TENM3: variants seen among roughly 807,000 people sequenced by gnomAD.
The protein encoded by TENM3 is teneurin-3.
Under a neutral mutation model 255.1 loss-of-function variants are expected in TENM3, and 63 were observed. The ratio of observed to expected loss-of-function variants is 0.25; its 90% CI spans 0.20 to 0.30. The LOEUF is 0.30. TENM3 is among the 10% of genes least tolerant of loss of function. The pLI is 1.00. For synonymous variants in TENM3, 1,306 were observed against 1,322.3 expected (o/e 0.99, Z 0.27); for missense variants, 2,929 against 3,461.1 (o/e 0.85, Z 3.86).
At chr4:182,731,899 A>C (rs980215084) in intron 16 of TENM3, among the ~76,000 whole-genome samples, 1 of 151,392 alleles carries the variant, frequency 6.6e-6, no homozygotes, top group Non-Finnish European at 1.5e-5. Context: ...CTCCCGCCTC[A>C]GACTCCTGAG....
At chr4:181,757,259 T>C in the TENM3 span, among the ~76,000 whole-genome samples, 1 of 152,166 alleles carries the variant, frequency 6.6e-6, no homozygotes, top group African/African-American at 2.4e-5. Context: ...CCTTCCAATA[T>C]TGTAATAGCG....
chr4:181,916,753 C>G, the TENM3 span, among the ~76,000 whole-genome samples: 2 of 151,778 alleles, frequency 1.3e-5, no homozygotes, highest in East Asian at 1.9e-4. Context: ...GGCGCGTGCT[C>G]GTAATCCCAG....
the TENM3 span, among the ~76,000 whole-genome samples, chr4:182,098,986 G>C: frequency 8.8e-6 from 1 of 113,522 alleles, no homozygotes; most frequent in Non-Finnish European, 1.7e-5. Flanking sequence ...TTTTTGGACA[G>C]AGTCTCACTC....
chr4:182,454,337 A>G (rs1412555590), intron 3 of TENM3, among the ~76,000 whole-genome samples: 1 of 152,100 alleles, frequency 6.6e-6, no homozygotes, highest in Non-Finnish European at 1.5e-5. Context: ...CTTTTTAATG[A>G]TAGTTAGAGT....
chr4:181,974,167 G>A, the TENM3 span, among the ~76,000 whole-genome samples: 1 of 152,176 alleles, frequency 6.6e-6, no homozygotes, highest in Non-Finnish European at 1.5e-5. Context: ...GTCATTGGCT[G>A]GGTAGGAGCA....
At chr4:182,796,516 C>G in intron 26 of TENM3, 121 bp from the exon 27 acceptor site, 1 of 939,848 alleles carries the variant, frequency 1.1e-6, no homozygotes, top group South Asian at 2.1e-5. Context: ...CGAAAGCAAA[C>G]AGGTGCTCTT....
chr4:182,170,535 C>T (rs925232110), intron 1 of TENM3, among the ~76,000 whole-genome samples: 1 of 151,938 alleles, frequency 6.6e-6, no homozygotes, highest in African/African-American at 2.4e-5. Flanking sequence ...CTGATAGACT[C>T]TTGTGTTTAT....
At chr4:181,947,934 G>A in the TENM3 span, among the ~76,000 whole-genome samples, 93 of 152,152 alleles carry the variant, frequency 6.1e-4, no homozygotes, top group African/African-American at 2.0e-3. Context: ...CAAACCGGCC[G>A]GCTTTCAATA....
At chr4:181,700,064 C>T in the TENM3 span, among the ~76,000 whole-genome samples, 1 of 152,152 alleles carries the variant, frequency 6.6e-6, no homozygotes, top group African/African-American at 2.4e-5. Flanking sequence ...TTCCATCATT[C>T]ACATTCAGAA....
chr4:182,622,346 G>A (rs1035438306), intron 4 of TENM3, among the ~76,000 whole-genome samples: 2 of 151,584 alleles, frequency 1.3e-5, no homozygotes, highest in Non-Finnish European at 2.9e-5. Flanking sequence ...AAACTCTATC[G>A]CAAAAAAAAA....
the TENM3 span, among the ~76,000 whole-genome samples, chr4:182,101,310 A>AGGAAGGAAAGAAGGAAG: frequency 6.5e-5 from 3 of 45,994 alleles, no homozygotes; most frequent in Admixed American, 2.2e-4. Context: ...AGGGAGGGAA[A>AGGAAGGAAAGAAGGAAG]GAAGGAAAGA....
At chr4:181,750,036 G>A in the TENM3 span, among the ~76,000 whole-genome samples, 1 of 152,302 alleles carries the variant, frequency 6.6e-6, no homozygotes, top group South Asian at 2.1e-4. Context: ...TGAGTGATCA[G>A]CCTCTTAACA....
chr4:181,570,411 G>A, the TENM3 span, among the ~76,000 whole-genome samples: 1 of 152,002 alleles, frequency 6.6e-6, no homozygotes, highest in African/African-American at 2.4e-5. Context: ...TGAGTTGGGA[G>A]GATCACTTGA....
chr4:182,223,801 A>AAAAT, intron 1 of TENM3, among the ~76,000 whole-genome samples: 1 of 150,834 alleles, frequency 6.6e-6, no homozygotes, highest in East Asian at 1.9e-4. Flanking sequence ...AAAAAAAAAA[A>AAAAT]GGAATGGAAT....
intron 22 of TENM3, among the ~76,000 whole-genome samples, chr4:182,756,535 A>G (rs1323409683): frequency 2.6e-5 from 4 of 152,214 alleles, no homozygotes; most frequent in Non-Finnish European, 4.4e-5. Context: ...AGTCTTTGAA[A>G]TGAATCCTGA....
intron 3 of TENM3, among the ~76,000 whole-genome samples, chr4:182,550,622 A>C (rs1001724838): frequency 3.3e-5 from 5 of 152,192 alleles, no homozygotes; most frequent in Non-Finnish European, 7.3e-5. Flanking sequence ...CTGGGTGTTC[A>C]TCACTAGAGA....
chr4:182,707,338 C>A (rs1052933337), intron 12 of TENM3, among the ~76,000 whole-genome samples: 1 of 152,092 alleles, frequency 6.6e-6, no homozygotes, highest in Non-Finnish European at 1.5e-5. Context: ...AGATGCTATT[C>A]CTTCCTGATC....
At chr4:182,065,303 G>T in the TENM3 span, among the ~76,000 whole-genome samples, 1 of 152,110 alleles carries the variant, frequency 6.6e-6, no homozygotes, top group Admixed American at 6.5e-5. Flanking sequence ...CCACAGTGCT[G>T]GGATTACAGG....
the TENM3 span, among the ~76,000 whole-genome samples, chr4:182,015,733 G>A: frequency 6.6e-6 from 1 of 151,864 alleles, no homozygotes; most frequent in African/African-American, 2.4e-5. Flanking sequence ...GCTAGTTTTT[G>A]TATTTTTAGT....
Sources: gnomAD v4.1 joint callset for allele counts (sites outside exome capture counted in the v4.1 genomes callset) on GRCh38, gnomAD v4.1.1 for gene constraint, MANE v1.5 for transcripts, NCBI Gene and HGNC (gene_info 2026-07-23, HGNC 2026-07-21) for gene names.